AKAP13: variants seen among roughly 807,000 people sequenced by gnomAD.
AKAP13 encodes A-kinase anchoring protein 13.
AKAP13 carries 80 observed loss-of-function variants against 264.5 expected under a neutral mutation model. The ratio of observed to expected loss-of-function variants is 0.30; its 90% CI spans 0.25 to 0.36. The LOEUF (loss-of-function observed/expected upper bound fraction) is 0.36, where lower values mean the gene tolerates loss of function less well. Ranked by LOEUF, AKAP13 falls within the 10% of genes least tolerant of loss-of-function variation. The pLI is 1.00. For synonymous variants in AKAP13, 1,380 were observed against 1,250.2 expected (o/e 1.10, Z -2.19); for missense variants, 3,712 against 3,435.2 (o/e 1.08, Z -2.01).
intron 5 of AKAP13, among the ~76,000 whole-genome samples, chr15:85,563,350 TTTTTA>T (rs1318868628): frequency 8.1e-6 from 1 of 123,504 alleles, no homozygotes; most frequent in African/African-American, 4.0e-5. Context: ...TTTTTTTTTT[TTTTTA>T]AAGACGGAGA....
chr15:85,404,884 C>T (rs775242411), intron 1 of AKAP13, among the ~76,000 whole-genome samples: 1 of 152,156 alleles, frequency 6.6e-6, no homozygotes, highest in South Asian at 2.1e-4. Context: ...ATTTTGCCTT[C>T]GTTGCTTGCA....
chr15:85,392,251 A>ATTTTTTTTTTT (rs57208601), intron 1 of AKAP13, among the ~76,000 whole-genome samples: 1 of 106,330 alleles, frequency 9.4e-6, no homozygotes, highest in Non-Finnish European at 1.9e-5. Flanking sequence ...GCCCTTAATA[A>ATTTTTTTTTTT]TTTTTTTTTT....
intron 1 of AKAP13, among the ~76,000 whole-genome samples, chr15:85,399,279 G>C (rs1413516274): frequency 6.6e-6 from 1 of 151,476 alleles, no homozygotes; most frequent in East Asian, 1.9e-4. Context: ...GGTGGATCAT[G>C]AGGTCAGGAG....
rs1158486665 is a variant in AKAP13, at chr15:85,655,777, A to AACC, written c.4739_4741dup (p.His1580dup). On this transcript the variant is annotated inframe_insertion, in exon 11 of 37. Coordinates refer to ENST00000394518, the MANE Select transcript of AKAP13 (RefSeq NM_007200.5). ...AAATGCAGCCAGCGATGCAGAAATG[A>AACC]ACCACCGGAGGTGAGATGGGAGGCG... 7.5e-6 allele frequency: 12 copies of AACC among 1,607,900 alleles called. No homozygotes were observed. Among genetic ancestry groups the AACC allele is most frequent in the Middle Eastern group, 1.7e-4 (1 of 5,940 alleles).
intron 14 of AKAP13, among the ~76,000 whole-genome samples, chr15:85,676,701 C>T (rs997127599): frequency 2.6e-5 from 4 of 152,228 alleles, no homozygotes; most frequent in African/African-American, 9.6e-5. Flanking sequence ...TTTTAGTATA[C>T]TTTTAAGGAA....
chr15:85,397,198 T>A (rs2071160395), intron 1 of AKAP13, among the ~76,000 whole-genome samples: 1 of 152,210 alleles, frequency 6.6e-6, no homozygotes, highest in Non-Finnish European at 1.5e-5. Flanking sequence ...TCTTAAAAGC[T>A]TTCATTTGAA....
At chr15:85,459,861 C>G (rs2074440065) in intron 1 of AKAP13, among the ~76,000 whole-genome samples, 1 of 152,194 alleles carries the variant, frequency 6.6e-6, no homozygotes, top group Non-Finnish European at 1.5e-5. Context: ...TTTCTAGACT[C>G]CTACTTAGTC....
At chr15:85,532,176 C>T (rs2077263008) in intron 3 of AKAP13, among the ~76,000 whole-genome samples, 1 of 152,184 alleles carries the variant, frequency 6.6e-6, no homozygotes, top group Admixed American at 6.5e-5. Context: ...ATGTTTCCTA[C>T]CACCCTAAAA....
chr15:85,693,761 A>G (rs1176911901), intron 17 of AKAP13, among the ~76,000 whole-genome samples: 1 of 152,152 alleles, frequency 6.6e-6, no homozygotes, highest in African/African-American at 2.4e-5. Context: ...TGGTACACTC[A>G]TTTCGTTTTT....
At chr15:85,463,861 T>C (rs1452980523) in intron 1 of AKAP13, among the ~76,000 whole-genome samples, 1 of 152,064 alleles carries the variant, frequency 6.6e-6, no homozygotes, top group Non-Finnish European at 1.5e-5. Context: ...AGGAGTCAGT[T>C]GGTAATGAGT....
rs924440289 is a variant in AKAP13, at chr15:85,533,464, G to A, written c.182-120G>A. ...GCTGTCAGAGCTCAAGAGGAAGGAG[G>A]GGGTGTTTTTTAGGAGGAGAAATTT... On this transcript the variant is annotated intron_variant, in intron 3 of 36. Transcript: ENST00000394518. The A allele has an allele frequency of 1.8e-5, 16 of 876,104 alleles. No homozygotes were observed. In the African/African-American group the frequency reaches 2.7e-4, roughly 15 times the overall value. 54.3% of individuals were successfully genotyped at this position (876,104 alleles called of 1,614,324 possible).
chr15:85,506,451 G>A (rs188749281), intron 2 of AKAP13, among the ~76,000 whole-genome samples: 117 of 152,228 alleles, frequency 7.7e-4, no homozygotes, highest in African/African-American at 2.4e-3. Context: ...GGAAGCTTAC[G>A]TAACAGTTGG....
At chr15:85,477,804 C>A (rs1289304647) in intron 1 of AKAP13, among the ~76,000 whole-genome samples, 2 of 151,962 alleles carry the variant, frequency 1.3e-5, no homozygotes, top group African/African-American at 2.4e-5. Context: ...GTATTTTCTT[C>A]TCTCTCCCTG....
At chr15:85,406,468 A>G (rs2071670693) in intron 1 of AKAP13, among the ~76,000 whole-genome samples, 1 of 143,892 alleles carries the variant, frequency 6.9e-6, no homozygotes, top group Non-Finnish European at 1.5e-5. Flanking sequence ...TACCTATTTT[A>G]TATACCATAT....
chr15:85,427,145 C>T (rs1280796997), intron 1 of AKAP13, among the ~76,000 whole-genome samples: 2 of 151,692 alleles, frequency 1.3e-5, no homozygotes, highest in African/African-American at 2.4e-5. Context: ...TTAGTAGAGA[C>T]GGGGTTTCAC....
At chr15:85,731,749 A>G (rs975606380) in intron 30 of AKAP13, among the ~76,000 whole-genome samples, 1 of 152,156 alleles carries the variant, frequency 6.6e-6, no homozygotes, top group Non-Finnish European at 1.5e-5. Context: ...ATCTTCTGAA[A>G]GTGACCCATA....
intron 3 of AKAP13, among the ~76,000 whole-genome samples, chr15:85,524,639 G>A (rs2076954519): frequency 6.6e-6 from 1 of 152,108 alleles, no homozygotes; most frequent in African/African-American, 2.4e-5. Flanking sequence ...ACTTTTTGAT[G>A]TTAGTCTGTA....
At chr15:85,686,348 T>G (rs2084928727) in intron 16 of AKAP13, among the ~76,000 whole-genome samples, 1 of 152,204 alleles carries the variant, frequency 6.6e-6, no homozygotes, top group African/African-American at 2.4e-5. Context: ...GCACTAAGCT[T>G]CTCAAGCCCT....
At chr15:85,720,658 T>C (rs8024613) in intron 23 of AKAP13, among the ~76,000 whole-genome samples, 11 of 152,232 alleles carry the variant, frequency 7.2e-5, no homozygotes, top group African/African-American at 2.7e-4. Context: ...CCCAAAGATT[T>C]TGGGCAAATA....
Sources: gnomAD v4.1 joint callset for allele counts (sites outside exome capture counted in the v4.1 genomes callset) on GRCh38, gnomAD v4.1.1 for gene constraint, MANE v1.5 for transcripts, NCBI Gene and HGNC (gene_info 2026-07-23, HGNC 2026-07-21) for gene names.